FRRS1: variants seen among roughly 807,000 people sequenced by gnomAD.
FRRS1 encodes the protein ferric chelate reductase 1.
FRRS1 carries 51 observed loss-of-function variants against 70.7 expected under a neutral mutation model. The ratio of observed to expected loss-of-function variants is 0.72; its 90% CI spans 0.58 to 0.91. The LOEUF (loss-of-function observed/expected upper bound fraction) is 0.91, where lower values mean the gene tolerates loss of function less well. FRRS1 is among the 40% of genes least tolerant of loss of function. The probability of loss-of-function intolerance (pLI) is 0.00; values close to 1 mark genes in which losing one functional copy is unlikely to be tolerated. For missense variants in FRRS1, 672 were observed against 726.0 expected, an observed-to-expected ratio of 0.93 and a Z score of 0.86; for synonymous variants, 225 against 238.7, an observed-to-expected ratio of 0.94 and a Z score of 0.53.
chr1:99,728,716 CCTGTTCAGTTT>C, intron 8 of FRRS1, 76 bp from the exon 9 acceptor site: 1 of 1,291,552 alleles, frequency 7.7e-7, no homozygotes, highest in South Asian at 1.5e-5. Flanking sequence ...AAAATCCTGC[CCTGTTCAGTTT>C]CCTTTCTCTA....
intron 1 of FRRS1, among the ~76,000 whole-genome samples, chr1:99,754,620 T>G (rs1656745121): frequency 6.6e-6 from 1 of 152,204 alleles, no homozygotes; most frequent in Non-Finnish European, 1.5e-5. Context: ...ATAGACTATT[T>G]CATCCAACAA....
rs2100889640 is a variant in FRRS1, at chr1:99,706,330, G to GC, written c.*2697dup. On this transcript the variant is annotated 3_prime_UTR_variant, in exon 17 of 17. Transcript: ENST00000646001. Reference sequence around the variant, plus strand: ...AGGCTGCAGTGGGAGGATCACTAAAGCCCAAGAGGTCAAGGCTGCAGTGGG... The same window carrying GC: ...AGGCTGCAGTGGGAGGATCACTAAAGCCCCAAGAGGTCAAGGCTGCAGTGGG... 6.6e-6 allele frequency among the ~76,000 whole-genome samples: 1 copy of GC among 150,962 alleles called. No homozygotes were observed. Among genetic ancestry groups the GC allele is most frequent in the East Asian group, 1.9e-4 (1 of 5,136 alleles).
chr1:99,761,114 C>A (rs938029443), intron 1 of FRRS1, among the ~76,000 whole-genome samples: 1 of 151,412 alleles, frequency 6.6e-6, no homozygotes, highest in Admixed American at 6.6e-5. Context: ...TTTCAATTTT[C>A]TTTTTAATTT....
Position 99,742,209 on chromosome 1 carries a change from G to A in FRRS1, c.398C>T (p.Pro133Leu), listed in dbSNP as rs775121517. ...KTEIKVYWNA[P>L]SSAPNHTQFL... ...CTGTGTGTGATTTGGAGCACTGCTTGGAGCATTCCAGTAGACTTTAATTTC... is the reference window on the plus strand; with the variant it reads ...CTGTGTGTGATTTGGAGCACTGCTTAGAGCATTCCAGTAGACTTTAATTTC... Residue 133 changes from proline (P) to leucine (L), a missense_variant, in exon 5 of 17, where the codon CCA becomes CTA. Coordinates refer to ENST00000646001, the MANE Select transcript of FRRS1 (RefSeq NM_001361041.2). The A allele has an allele frequency of 6.2e-6, 10 of 1,609,982 alleles. No individual in the cohort carries two copies. The Admixed American group carries it at 1.7e-4, about 27-fold the overall frequency.
At chr1:99,747,146 T>C (rs1656315112) in intron 4 of FRRS1, 148 bp downstream of exon 4, 7 of 561,986 alleles carry the variant, frequency 1.2e-5, no homozygotes, top group Middle Eastern at 4.7e-4. Flanking sequence ...CAACTATTTG[T>C]TATCAGTAAG....
At chr1:99,758,173 T>C (rs1656936049) in intron 1 of FRRS1, among the ~76,000 whole-genome samples, 2 of 152,228 alleles carry the variant, frequency 1.3e-5, no homozygotes, top group African/African-American at 4.8e-5. Flanking sequence ...AAGGTGAACA[T>C]ACAGTAGCTA....
intron 10 of FRRS1, among the ~76,000 whole-genome samples, chr1:99,718,732 A>C (rs889681994): frequency 6.6e-6 from 1 of 152,188 alleles, no homozygotes; most frequent in Non-Finnish European, 1.5e-5. Context: ...GTATGCTCTC[A>C]AATACTTGTA....
In FRRS1 at chr1:99,749,138, T is replaced by G. The variant is rs149645321; in HGVS notation, c.-105-137A>C. ...GCAACCTCCGCCTCCCGGGTTCAAG[T>G]GATTCTCTTGCCTCAGCTTCCCCAG... On this transcript the variant is annotated intron_variant, in intron 1 of 16. Coordinates refer to ENST00000646001, the MANE Select transcript of FRRS1 (RefSeq NM_001361041.2). The G allele has an allele frequency of 5.7e-3, 1,009 of 178,108 alleles. 10 individuals carry two copies. The Middle Eastern group carries it at 0.08, about 14-fold the overall frequency. 11.0% of individuals were successfully genotyped at this position (178,108 alleles called of 1,614,324 possible). A position where few individuals can be genotyped will look rare whatever the true frequency, so the allele number is the denominator to read the frequency against.
chr1:99,737,954 G>T (rs1655755465), intron 7 of FRRS1, 132 bp downstream of exon 7: 2 of 667,604 alleles, frequency 3.0e-6, no homozygotes, highest in Non-Finnish European at 5.1e-6. Context: ...TCTCGGCCAG[G>T]CTGGTCTTGA....
chr1:99,709,174 T>A lies in FRRS1; in HGVS notation c.1686+24A>T, dbSNP rs1227370634. On this transcript the variant is annotated intron_variant, in intron 16 of 16. Transcript: ENST00000646001. Reference sequence around the variant, plus strand: ...AAAAGTATTACCATTAAGGTTTGTGTCAATGAACAAGAAAAGGACTTACCT... The same window carrying A: ...AAAAGTATTACCATTAAGGTTTGTGACAATGAACAAGAAAAGGACTTACCT... The A allele has an allele frequency of 2.5e-6, 4 of 1,608,032 alleles. No homozygotes were observed. The South Asian group carries it at 4.4e-5, about 18-fold the overall frequency.
At chr1:99,715,339 A>G (rs1224314370) in intron 12 of FRRS1, among the ~76,000 whole-genome samples, 1 of 152,194 alleles carries the variant, frequency 6.6e-6, no homozygotes, top group Non-Finnish European at 1.5e-5. Flanking sequence ...AAAATTCACT[A>G]AGGCTATAGC....
Position 99,747,344 on chromosome 1 carries a change from T to C in FRRS1, c.283A>G (p.Thr95Ala). The change falls in exon 4 of 17, where the codon ACA becomes GCA. Residue 95 changes from threonine (T) to alanine (A), a missense_variant. Coordinates refer to ENST00000646001, the MANE Select transcript of FRRS1 (RefSeq NM_001361041.2). The part of the protein sequence containing the change: ...DLNGPPIGSF[T>A]LIDSEVSQLL... ...TGTGACACTTCACTGTCAATCAATG[T>C]GAAGGAGCCAATAGGAGGGCCATTC... is the stretch of plus-strand genomic sequence containing the variant. The C allele has an allele frequency of 6.2e-7, 1 of 1,614,022 alleles. No homozygotes were observed. The highest frequency in any genetic ancestry group is 8.5e-7 in the Non-Finnish European group (1 of 1,179,938).
intron 7 of FRRS1, among the ~76,000 whole-genome samples, 158 bp from the exon 8 acceptor site, chr1:99,729,906 C>A (rs1655260829): frequency 1.3e-5 from 2 of 152,130 alleles, no homozygotes. Flanking sequence ...AGAGAACTGG[C>A]TATCTGATTT....
chr1:99,722,441 CA>C (rs1404425665), intron 9 of FRRS1, among the ~76,000 whole-genome samples: 4 of 152,012 alleles, frequency 2.6e-5, no homozygotes, highest in African/African-American at 7.3e-5. Flanking sequence ...CAACGTAAAC[CA>C]AAATCACTTA....
At chr1:99,761,422 T>C (rs570135915) in intron 1 of FRRS1, among the ~76,000 whole-genome samples, 20 of 152,334 alleles carry the variant, frequency 1.3e-4, no homozygotes, top group Non-Finnish European at 2.1e-4. Context: ...CCACCTCACC[T>C]GACCAATTTT....
At chr1:99,726,801 G>T (rs1655097213) in intron 9 of FRRS1, among the ~76,000 whole-genome samples, 1 of 152,156 alleles carries the variant, frequency 6.6e-6, no homozygotes, top group African/African-American at 2.4e-5. Context: ...CAACCTCCTG[G>T]GCTCGGGCAA....
Position 99,742,168 on chromosome 1 carries a change from CTT to C in FRRS1, c.428+9_428+10del. 1 of 1,545,414 alleles carries C rather than the reference CTT, an allele frequency of 6.5e-7. No homozygotes were observed. The highest frequency in any genetic ancestry group is 8.9e-7 in the Non-Finnish European group (1 of 1,117,568). ...CATGCCTGGCCCAGAATTATAAACT[CTT>C]ATACTCACAGAAACTGTGTGTGATT... On this transcript the variant is annotated intron_variant, in intron 5 of 16. Transcript: ENST00000646001.
intron 1 of FRRS1, among the ~76,000 whole-genome samples, chr1:99,761,335 C>T (rs183920520): frequency 6.6e-6 from 1 of 152,062 alleles, no homozygotes; most frequent in Non-Finnish European, 1.5e-5. Context: ...ACTATATTAC[C>T]CAGGCTGGTC....
At chr1:99,752,829 T>A (rs779784420) in intron 1 of FRRS1, among the ~76,000 whole-genome samples, 1 of 152,148 alleles carries the variant, frequency 6.6e-6, no homozygotes, top group Non-Finnish European at 1.5e-5. Context: ...AGTGAGCACA[T>A]GCTGTTGGAA....
Sources: allele counts gnomAD v4.1 joint callset (sites outside exome capture counted in the v4.1 genomes callset), GRCh38; gene constraint gnomAD v4.1.1; transcripts MANE v1.5; gene names NCBI Gene and HGNC (gene_info 2026-07-23, HGNC 2026-07-21).